CCNY: variants seen among roughly 807,000 people sequenced by gnomAD.
CCNY encodes the protein cyclin Y.
In CCNY, 19 loss-of-function variants were observed where a neutral mutation model predicts 42.8. That is an observed-to-expected ratio of 0.44 (90% CI 0.31 to 0.65). CCNY has a LOEUF of 0.65. CCNY is among the 30% of genes least tolerant of loss of function. The probability of loss-of-function intolerance (pLI) is 0.07; values close to 1 mark genes in which losing one functional copy is unlikely to be tolerated. For missense variants in CCNY, 370 were observed against 437.3 expected, an observed-to-expected ratio of 0.85 and a Z score of 1.37; for synonymous variants, 165 against 162.7, an observed-to-expected ratio of 1.01 and a Z score of -0.11.
intron 3 of CCNY, among the ~76,000 whole-genome samples, chr10:35,511,424 G>A (rs1385710836): frequency 2.0e-5 from 3 of 152,318 alleles, no homozygotes; most frequent in Middle Eastern, 6.8e-3. Flanking sequence ...TGGTAGGAAG[G>A]CATCTAGAGG....
At chr10:35,409,199 T>C (rs1837850333) in intron 1 of CCNY, among the ~76,000 whole-genome samples, 1 of 152,242 alleles carries the variant, frequency 6.6e-6, no homozygotes, top group Admixed American at 6.5e-5. Context: ...GCCAGCTGCC[T>C]TGCCAGCTGC....
chr10:35,374,882 A>G (rs1403488984), intron 1 of CCNY, among the ~76,000 whole-genome samples: 1 of 152,204 alleles, frequency 6.6e-6, no homozygotes, highest in Non-Finnish European at 1.5e-5. Context: ...CAAATTGTCA[A>G]CACTTGTCAC....
At chr10:35,280,386 AAAGGAAGAAGGAAAGGAAGG>A (rs1835286269) in intron 3 of CCNY, among the ~76,000 whole-genome samples, 1 of 151,054 alleles carries the variant, frequency 6.6e-6, no homozygotes, top group Non-Finnish European at 1.5e-5. Flanking sequence ...AGAAGGGAAG[AAAGGAAGAAGGAAAGGAAGG>A]AAGGAAGAAA....
At chr10:35,551,918 A>G (rs1168387294) in intron 7 of CCNY, among the ~76,000 whole-genome samples, 2 of 152,340 alleles carry the variant, frequency 1.3e-5, no homozygotes, top group Non-Finnish European at 1.5e-5. Context: ...ATCCTTGTGC[A>G]TTGCTGAAAT....
At position 35,572,573 on chromosome 10, in the gene CCNY, C is replaced by G. The variant is rs1338954687; in HGVS notation, c.*3403C>G. On this transcript the variant is annotated 3_prime_UTR_variant, in exon 10 of 10. Transcript: ENST00000374704. ...GAGATTACAGGCGTGAGCCACTGCC[C>G]CTGGCCCAGATTTGAAATTTTTTAA... 1.3e-5 allele frequency: 2 copies of G among 152,142 alleles called. No individual in the cohort carries two copies. The highest frequency in any genetic ancestry group is 4.8e-5 in the African/African-American group (2 of 41,416). 9.4% of individuals were successfully genotyped at this position (152,142 alleles called of 1,614,324 possible). A position where few individuals can be genotyped will look rare whatever the true frequency, so the allele number is the denominator to read the frequency against.
At chr10:35,456,548 T>G (rs1335667712) in intron 1 of CCNY, among the ~76,000 whole-genome samples, 1 of 152,244 alleles carries the variant, frequency 6.6e-6, no homozygotes, top group Non-Finnish European at 1.5e-5. Flanking sequence ...TGGTTGCCTA[T>G]TATCCATCCT....
intron 1 of CCNY, among the ~76,000 whole-genome samples, chr10:35,388,122 A>T (rs776353410): frequency 6.6e-6 from 1 of 152,196 alleles, no homozygotes; most frequent in Non-Finnish European, 1.5e-5. Context: ...AATTCTAGAG[A>T]AGGAGATGCT....
intron 3 of CCNY, among the ~76,000 whole-genome samples, chr10:35,253,534 T>A (rs60553075): frequency 0.37 from 54,767 of 147,956 alleles, 10,363 homozygotes; most frequent in African/African-American, 0.47. Context: ...CACCTTGACC[T>A]CCTAAAGCAT....
chr10:35,346,968 T>C (rs1323706295), intron 1 of CCNY, among the ~76,000 whole-genome samples: 1 of 152,266 alleles, frequency 6.6e-6, no homozygotes. Flanking sequence ...TGTTTTGTTT[T>C]GTTTTGTTTT....
chr10:35,409,262 C>T (rs1266316886), intron 1 of CCNY, among the ~76,000 whole-genome samples: 2 of 152,202 alleles, frequency 1.3e-5, no homozygotes, highest in African/African-American at 4.8e-5. Context: ...AATCAAGTTG[C>T]AAGCCAGTGA....
At chr10:35,338,805 G>GA (rs201747252) in intron 1 of CCNY, among the ~76,000 whole-genome samples, 2,460 of 151,636 alleles carry the variant, frequency 0.016, 53 homozygotes, top group East Asian at 0.056. Flanking sequence ...GATCAAAAAA[G>GA]AAAAAAAAGA....
At chr10:35,396,517 G>A (rs1448131502) in intron 1 of CCNY, among the ~76,000 whole-genome samples, 1 of 152,166 alleles carries the variant, frequency 6.6e-6, no homozygotes, top group Non-Finnish European at 1.5e-5. Context: ...ACTGTTAATG[G>A]GCCAGGGTGC....
At chr10:35,481,745 C>G (rs996421667) in intron 1 of CCNY, among the ~76,000 whole-genome samples, 6 of 152,180 alleles carry the variant, frequency 3.9e-5, no homozygotes, top group Admixed American at 6.5e-5. Context: ...TATTTGCCCT[C>G]ATTTTGATAT....
chr10:35,340,782 G>A (rs1487778053), intron 1 of CCNY, among the ~76,000 whole-genome samples: 2 of 152,128 alleles, frequency 1.3e-5, no homozygotes, highest in Non-Finnish European at 2.9e-5. Context: ...GGGATTACAG[G>A]GGTGAGCCAC....
intron 3 of CCNY, chr10:35,316,278 C>G (rs979275386): frequency 6.6e-6 from 1 of 152,152 alleles, no homozygotes; most frequent in Admixed American, 6.6e-5. Flanking sequence ...AGCATATGCC[C>G]CAGAAAAGAA....
intron 3 of CCNY, among the ~76,000 whole-genome samples, chr10:35,290,646 C>A: frequency 6.6e-6 from 1 of 151,976 alleles, no homozygotes. Flanking sequence ...GTTGTCCCAC[C>A]ATCATCACAT....
intron 4 of CCNY, 37 bp from the exon 5 acceptor site, chr10:35,525,927 C>G: frequency 6.3e-7 from 1 of 1,597,416 alleles, no homozygotes; most frequent in East Asian, 2.2e-5. Flanking sequence ...CTTGAATATG[C>G]TCATGGACAC....
intron 1 of CCNY, among the ~76,000 whole-genome samples, chr10:35,343,433 A>G (rs1195344226): frequency 3.2e-5 from 3 of 94,158 alleles, no homozygotes; most frequent in Non-Finnish European, 3.9e-5. Flanking sequence ...CTTATTGCCC[A>G]GGCTGGAGTG....
chr10:35,294,934 A>C (rs1457073818), intron 3 of CCNY, among the ~76,000 whole-genome samples: 1 of 152,080 alleles, frequency 6.6e-6, no homozygotes, highest in Non-Finnish European at 1.5e-5. Flanking sequence ...GATTTATTTA[A>C]ATTGTCCCTT....
Sources: allele counts gnomAD v4.1 joint callset (sites outside exome capture counted in the v4.1 genomes callset), GRCh38; gene constraint gnomAD v4.1.1; transcripts MANE v1.5; gene names NCBI Gene and HGNC (gene_info 2026-07-23, HGNC 2026-07-21).